SPSB1: variants seen among roughly 807,000 people sequenced by gnomAD.
The protein encoded by SPSB1 is SPRY domain-containing SOCS box protein 1.
A neutral mutation model predicts 21.2 loss-of-function variants in SPSB1; 8 were observed. That is an observed-to-expected ratio of 0.38 (90% CI 0.22 to 0.68). The LOEUF (loss-of-function observed/expected upper bound fraction) is 0.68. Ranked by LOEUF, SPSB1 falls within the 30% of genes least tolerant of loss-of-function variation. The probability of loss-of-function intolerance (pLI) is 0.53; values close to 1 mark genes in which losing one functional copy is unlikely to be tolerated. For synonymous variants in SPSB1, 169 were observed against 161.7 expected (o/e 1.05, Z -0.34); for missense variants, 242 against 377.8 (o/e 0.64, Z 2.98).
intron 1 of SPSB1, among the ~76,000 whole-genome samples, chr1:9,349,956 G>A (rs531527818): frequency 5.3e-4 from 81 of 151,844 alleles, no homozygotes; most frequent in Non-Finnish European, 9.4e-4. Context: ...ACAGACACAC[G>A]CCACACACGC....
In SPSB1 at chr1:9,348,334, A is replaced by G. The variant is rs974229929; in HGVS notation, c.-149-7409A>G. On this transcript the variant is annotated intron_variant, in intron 1 of 2. Transcript: ENST00000328089. This position sits in a 1 kb window ranked among gnomAD's most constrained non-coding sequence, Gnocchi z 4.8. ...CATCACATTCCTCTGTGCCTTGCAT[A>G]ATGAAAGCAAACCGTGGCTGTATCC... is the stretch of plus-strand genomic sequence containing the variant. Among the ~76,000 whole-genome samples the G allele has an allele frequency of 2.0e-5, 3 of 151,862 alleles. No individual in the cohort carries two copies. The highest frequency in any genetic ancestry group is 4.4e-5 in the Non-Finnish European group (3 of 67,976).
chr1:9,303,690 A>C (rs1639368391), intron 1 of SPSB1, among the ~76,000 whole-genome samples: 1 of 152,308 alleles, frequency 6.6e-6, no homozygotes, highest in Non-Finnish European at 1.5e-5. Context: ...TGTCTTTGCT[A>C]TGCAGGATAG....
chr1:9,330,716 T>A (rs1319558731), intron 1 of SPSB1, among the ~76,000 whole-genome samples: 1 of 137,250 alleles, frequency 7.3e-6, no homozygotes, highest in African/African-American at 2.7e-5. Context: ...TTTTTTTTTT[T>A]AATCGTGGTA....
chr1:9,358,753 C>T (rs892810757), intron 2 of SPSB1, among the ~76,000 whole-genome samples: 17 of 152,272 alleles, frequency 1.1e-4, no homozygotes, highest in African/African-American at 4.1e-4. Flanking sequence ...CTGTGCCCTC[C>T]AGGAACATGC....
rs988368640 is a variant in SPSB1, at chr1:9,293,543, CG to C, written c.-150+473del. On this transcript the variant is annotated intron_variant, in intron 1 of 2. Coordinates refer to ENST00000328089, the MANE Select transcript of SPSB1 (RefSeq NM_025106.4). This position sits in a 1 kb window ranked among gnomAD's most constrained non-coding sequence, Gnocchi z 5.1. Reference sequence around the variant, plus strand: ...GGATTGGCGGCGCGGCCCGGTCCCCCGTCGGGGCGCCCCCACCCTCCCGCAG... The same window carrying C: ...GGATTGGCGGCGCGGCCCGGTCCCCCTCGGGGCGCCCCCACCCTCCCGCAG... 2.0e-5 allele frequency among the ~76,000 whole-genome samples: 3 copies of C among 151,942 alleles called. No individual in the cohort carries two copies. The highest frequency in any genetic ancestry group is 4.4e-5 in the Non-Finnish European group (3 of 67,924).
chr1:9,331,318 C>CTTTT (rs1569610888), intron 1 of SPSB1, among the ~76,000 whole-genome samples: 2 of 71,664 alleles, frequency 2.8e-5, no homozygotes, highest in African/African-American at 1.2e-4. Context: ...TACTGGTGCT[C>CTTTT]TTGTTTTTTT....
intron 2 of SPSB1, among the ~76,000 whole-genome samples, chr1:9,358,063 G>A (rs1160394755): frequency 6.6e-6 from 1 of 152,174 alleles, no homozygotes; most frequent in Non-Finnish European, 1.5e-5. Flanking sequence ...TACAGATGCT[G>A]ACTCTGTCTT....
rs997319237 is a variant in SPSB1, at chr1:9,368,559, A to G, written c.*984A>G. On this transcript the variant is annotated 3_prime_UTR_variant, in exon 3 of 3. Transcript: ENST00000328089. ...CCCTTGCACAGGGTTGCATTTCTTT[A>G]GTCTTCTGTGGGTCTTTTGATGTGG... The G allele has an allele frequency of 3.3e-5, 5 of 152,072 alleles. No homozygotes were observed. The highest frequency in any genetic ancestry group is 1.2e-4 in the African/African-American group (5 of 41,400). The allele number at this position is 152,072 out of a possible 1,614,324, so 9.4% of individuals were successfully genotyped here. A position where few individuals can be genotyped will look rare whatever the true frequency, so the allele number is the denominator to read the frequency against.
At chr1:9,361,300 G>T (rs12404134) in intron 2 of SPSB1, among the ~76,000 whole-genome samples, 35,492 of 151,126 alleles carry the variant, frequency 0.23, 4,885 homozygotes, top group Non-Finnish European at 0.31. Context: ...ACCATGCCCA[G>T]CCGGATCTGT....
intron 1 of SPSB1, among the ~76,000 whole-genome samples, chr1:9,340,829 G>A (rs892005510): frequency 3.3e-5 from 5 of 152,222 alleles, no homozygotes; most frequent in South Asian, 4.1e-4. Flanking sequence ...CTGATGTCGC[G>A]GAGCAGCTCT....
At chr1:9,306,238 C>T (rs1225333556) in intron 1 of SPSB1, among the ~76,000 whole-genome samples, 1 of 152,232 alleles carries the variant, frequency 6.6e-6, no homozygotes, top group Non-Finnish European at 1.5e-5. Context: ...GAGGGATGGC[C>T]GAGCTCTGGG....
intron 1 of SPSB1, among the ~76,000 whole-genome samples, chr1:9,301,196 A>T (rs1639322079): frequency 6.6e-6 from 1 of 152,136 alleles, no homozygotes; most frequent in Non-Finnish European, 1.5e-5. Flanking sequence ...ATTGGTGACA[A>T]AGAAAGCTGG....
In SPSB1 at chr1:9,349,607, A is replaced by T. The variant is rs140386948; in HGVS notation, c.-149-6136A>T. ...TGCCTGCCTTCCTCAGGAGGAAGCTATCCACGGGACATGTCCTGAGCGAGT... is the reference window on the plus strand; with the variant it reads ...TGCCTGCCTTCCTCAGGAGGAAGCTTTCCACGGGACATGTCCTGAGCGAGT... On this transcript the variant is annotated intron_variant, in intron 1 of 2. Coordinates refer to ENST00000328089, the MANE Select transcript of SPSB1 (RefSeq NM_025106.4). Among the ~76,000 whole-genome samples the T allele has an allele frequency of 2.7e-4, 41 of 152,328 alleles. 1 individual carries two copies. In the East Asian group the frequency reaches 7.9e-3, roughly 29 times the overall value.
chr1:9,362,336 G>A (rs776516759), intron 2 of SPSB1, among the ~76,000 whole-genome samples: 47 of 152,350 alleles, frequency 3.1e-4, no homozygotes, highest in South Asian at 1.2e-3. Context: ...CACCTAGGTG[G>A]ATCTCAGGCG....
At chr1:9,338,386 A>G (rs1296051738) in intron 1 of SPSB1, among the ~76,000 whole-genome samples, 3 of 152,156 alleles carry the variant, frequency 2.0e-5, no homozygotes, top group African/African-American at 7.2e-5. Flanking sequence ...TTGGGGATCC[A>G]TGCCTAGGCT....
intron 1 of SPSB1, among the ~76,000 whole-genome samples, chr1:9,303,019 G>A (rs1042793901): frequency 6.6e-6 from 1 of 152,174 alleles, no homozygotes; most frequent in Non-Finnish European, 1.5e-5. Context: ...TTGAACGGGG[G>A]GTAAGGCTGC....
chr1:9,367,858 A>C lies in SPSB1; in HGVS notation c.*283A>C. ...AGACACAGAGAATAAACTCCTACGA[A>C]AGCCCTACATTGAGCTCCAATCTGC... On this transcript the variant is annotated 3_prime_UTR_variant, in exon 3 of 3. Transcript: ENST00000328089. This position sits in a 1 kb window ranked among gnomAD's most constrained non-coding sequence, Gnocchi z 5.9. The C allele has an allele frequency of 2.3e-6, 1 of 430,498 alleles. No homozygotes were observed. The highest frequency in any genetic ancestry group is 4.2e-6 in the Non-Finnish European group (1 of 238,382). The allele number at this position is 430,498 out of a possible 1,614,324, so 26.7% of individuals were successfully genotyped here.
intron 1 of SPSB1, among the ~76,000 whole-genome samples, chr1:9,341,922 G>A (rs1557459680): frequency 6.6e-6 from 1 of 151,942 alleles, no homozygotes; most frequent in South Asian, 2.1e-4. Flanking sequence ...GGCTGGTCTC[G>A]AACTCCCGAC....
intron 1 of SPSB1, among the ~76,000 whole-genome samples, chr1:9,295,403 A>C (rs937328692): frequency 6.6e-6 from 1 of 152,210 alleles, no homozygotes; most frequent in Admixed American, 6.5e-5. Context: ...GGCGGGTGCC[A>C]TGCCGGCTTA....
Sources: gnomAD v4.1 joint callset for allele counts (sites outside exome capture counted in the v4.1 genomes callset) on GRCh38, gnomAD v4.1.1 for gene constraint, Gnocchi (gnomAD v3.1) non-coding constraint, MANE v1.5 for transcripts, NCBI Gene and HGNC (gene_info 2026-07-23, HGNC 2026-07-21) for gene names.